SLC25A25: variants seen among roughly 807,000 people sequenced by gnomAD.
SLC25A25 encodes the protein mitochondrial adenyl nucleotide antiporter SLC25A25.
Under a neutral mutation model 57.7 loss-of-function variants are expected in SLC25A25, and 32 were observed. The ratio of observed to expected loss-of-function variants is 0.55; its 90% CI spans 0.42 to 0.74. The LOEUF is 0.74. Ranked by LOEUF, SLC25A25 falls within the 30% of genes least tolerant of loss-of-function variation. The pLI, the probability that SLC25A25 is intolerant of heterozygous loss-of-function variation, is 0.00. For synonymous variants in SLC25A25, 306 were observed against 291.2 expected, an observed-to-expected ratio of 1.05 and a Z score of -0.52; for missense variants, 556 against 701.3, an observed-to-expected ratio of 0.79 and a Z score of 2.34.
rs752419520 is a variant in SLC25A25 at position 128,107,251 on chromosome 9, A to G, written c.1364-9A>G. On this transcript the variant is annotated splice_polypyrimidine_tract_variant and intron_variant, in intron 10 of 10. Transcript: ENST00000373069. The stretch of plus-strand genomic sequence containing the variant: ...CAGAAGCATCTGACTGGTGGCCTCC[A>G]TCCTGCAGCCTCTATTGAGGGCGCT... 1 of 1,608,280 alleles carries G rather than the reference A, an allele frequency of 6.2e-7. No homozygotes were observed. The highest frequency in any genetic ancestry group is 8.5e-7 in the Non-Finnish European group (1 of 1,176,066).
intron 1 of SLC25A25, among the ~76,000 whole-genome samples, chr9:128,100,351 G>A (rs1468525754): frequency 6.6e-6 from 1 of 152,000 alleles, no homozygotes; most frequent in African/African-American, 2.4e-5. Flanking sequence ...GGGGCGGGGG[G>A]GGTTACTTTT....
chr9:128,102,224 G>A lies in SLC25A25; in HGVS notation c.512+109G>A. 1 of 1,443,524 alleles carries A rather than the reference G, an allele frequency of 6.9e-7. No homozygotes were observed. Among genetic ancestry groups the A allele is most frequent in the Non-Finnish European group, 9.5e-7 (1 of 1,048,980 alleles). 89.4% of individuals were successfully genotyped at this position (1,443,524 alleles called of 1,614,324 possible). On this transcript the variant is annotated intron_variant, in intron 4 of 10. Coordinates refer to ENST00000373069, the MANE Select transcript of SLC25A25 (RefSeq NM_001330988.2). The surrounding 1 kb of genome is among the most constrained non-coding windows in gnomAD (Gnocchi z 4.1). ...ATTGTTGTGCTAAGTGGGGTGTGGA[G>A]CCCCCTGCTCTTTCTCCTGGGGGCA...
At chr9:128,094,324 C>T (rs531949326) in intron 1 of SLC25A25, 2 of 152,268 alleles carry the variant, frequency 1.3e-5, no homozygotes, top group Non-Finnish European at 2.9e-5. Context: ...TACAGTTAAT[C>T]TTCAGTTGGA....
chr9:128,098,196 G>C (rs1212140872), intron 1 of SLC25A25: 1 of 177,120 alleles, frequency 5.6e-6, no homozygotes, highest in East Asian at 1.6e-4. Context: ...TCATCTGAAG[G>C]GGTTGGCAGC....
intron 1 of SLC25A25, among the ~76,000 whole-genome samples, chr9:128,070,478 T>C (rs2130779562): frequency 6.6e-6 from 1 of 150,934 alleles, no homozygotes; most frequent in African/African-American, 2.4e-5. Context: ...TGACCTCAGG[T>C]GATCCACCTG....
intron 1 of SLC25A25, among the ~76,000 whole-genome samples, chr9:128,080,349 CAAAAAA>C (rs775059465): frequency 9.2e-6 from 1 of 108,660 alleles, no homozygotes; most frequent in African/African-American, 4.0e-5. Flanking sequence ...GACTCCATCC[CAAAAAA>C]AAAAAAAAAA....
chr9:128,078,629 TC>T (rs1431365430), intron 1 of SLC25A25, among the ~76,000 whole-genome samples: 1 of 152,232 alleles, frequency 6.6e-6, no homozygotes, highest in African/African-American at 2.4e-5. Flanking sequence ...TGTTGCCCTC[TC>T]AGAAGCCGTG....
At chr9:128,073,731 T>C (rs533131618) in intron 1 of SLC25A25, among the ~76,000 whole-genome samples, 1 of 151,588 alleles carries the variant, frequency 6.6e-6, no homozygotes, top group East Asian at 1.9e-4. Context: ...TCAAGTCAAC[T>C]AGAATACTTT....
intron 1 of SLC25A25, among the ~76,000 whole-genome samples, chr9:128,087,539 G>A (rs971252902): frequency 2.6e-5 from 4 of 152,116 alleles, no homozygotes; most frequent in East Asian, 1.9e-4. Context: ...GCCAGAGTTC[G>A]TTTTTTCGAT....
chr9:128,098,421 T>C (rs1401083977), intron 1 of SLC25A25: 14 of 1,384,772 alleles, frequency 1.0e-5, no homozygotes, highest in Admixed American at 6.3e-5. Context: ...GCTTTTTTCT[T>C]TTTTCAATTA....
intron 9 of SLC25A25, 79 bp downstream of exon 9, chr9:128,106,599 T>G: frequency 6.7e-7 from 1 of 1,482,260 alleles, no homozygotes. Flanking sequence ...GACGGACGCG[T>G]GGTTAGTGCA....
intron 1 of SLC25A25, among the ~76,000 whole-genome samples, chr9:128,089,990 C>A (rs897386034): frequency 2.0e-5 from 3 of 152,060 alleles, no homozygotes; most frequent in Non-Finnish European, 4.4e-5. Context: ...CTGGGTCATA[C>A]ATGCTTATGG....
At chr9:128,105,985 T>C (rs1415887766) in intron 7 of SLC25A25, 104 bp downstream of exon 7, 2 of 1,553,436 alleles carry the variant, frequency 1.3e-6, no homozygotes, top group African/African-American at 2.7e-5. Context: ...GAGCCAGCCG[T>C]GGTACCCCAG....
Position 128,102,521 on chromosome 9 carries a change from G to T in SLC25A25, c.624+40G>T, listed in dbSNP as rs766598626. On this transcript the variant is annotated intron_variant, in intron 5 of 10. Transcript: ENST00000373069. This position sits in a 1 kb window ranked among gnomAD's most constrained non-coding sequence, Gnocchi z 4.1. ...CCCAGGGCCCTCATCTGCTCCCAGG[G>T]ACCCTTAGCCCAGAGTCACCCAGTC... The T allele has an allele frequency of 1.4e-5, 22 of 1,550,818 alleles. No homozygotes were observed. The East Asian group carries it at 4.1e-4, about 29-fold the overall frequency.
In SLC25A25 at chr9:128,099,962, G is replaced by A. The variant is rs1054703094; in HGVS notation, c.262-1134G>A. On this transcript the variant is annotated intron_variant, in intron 1 of 10. Coordinates refer to ENST00000373069, the MANE Select transcript of SLC25A25 (RefSeq NM_001330988.2). This position sits in a 1 kb window ranked among gnomAD's most constrained non-coding sequence, Gnocchi z 6.8. Reference sequence around the variant, plus strand: ...CCCAGTTTTGGGTTCCGGATTCAGGGCGTTGCTGAGTTGGGGTGACTCACT... The same window carrying A: ...CCCAGTTTTGGGTTCCGGATTCAGGACGTTGCTGAGTTGGGGTGACTCACT... Among the ~76,000 whole-genome samples, 6 of 152,120 alleles carry A rather than the reference G, an allele frequency of 3.9e-5. No homozygotes were observed. Among genetic ancestry groups the A allele is most frequent in the African/African-American group, 1.2e-4 (5 of 41,410 alleles).
At position 128,095,455 on chromosome 9, in the gene SLC25A25, C is replaced by T. The variant is rs1588772093; in HGVS notation, c.262-5641C>T. On this transcript the variant is annotated intron_variant, in intron 1 of 10. Coordinates refer to ENST00000373069, the MANE Select transcript of SLC25A25 (RefSeq NM_001330988.2). This position sits in a 1 kb window ranked among gnomAD's most constrained non-coding sequence, Gnocchi z 4.4. Reference sequence around the variant, plus strand: ...CCCACAGTCTGCAGTTCCAGGAATACAGCAGTTGTCCTGGACACTAGCACC... The same window carrying T: ...CCCACAGTCTGCAGTTCCAGGAATATAGCAGTTGTCCTGGACACTAGCACC... Among the ~76,000 whole-genome samples the T allele has an allele frequency of 6.6e-6, 1 of 152,194 alleles. No homozygotes were observed. The highest frequency in any genetic ancestry group is 1.9e-4 in the East Asian group (1 of 5,200).
At chr9:128,084,504 C>G (rs1292369742) in intron 1 of SLC25A25, among the ~76,000 whole-genome samples, 1 of 152,108 alleles carries the variant, frequency 6.6e-6, no homozygotes, top group Non-Finnish European at 1.5e-5. Flanking sequence ...AGATAATAAC[C>G]CTTTCAACCC....
intron 1 of SLC25A25, among the ~76,000 whole-genome samples, chr9:128,075,317 T>C (rs1315922250): frequency 1.3e-5 from 2 of 151,460 alleles, no homozygotes; most frequent in African/African-American, 4.9e-5. Flanking sequence ...AAAATAGATA[T>C]AAATAGAGAA....
At chr9:128,098,813 C>T (rs1299756781) in intron 1 of SLC25A25, 13 of 1,540,268 alleles carry the variant, frequency 8.4e-6, no homozygotes, top group South Asian at 1.2e-5. Context: ...CCATCCCCCA[C>T]TGAGAGGAAA....
Sources: allele counts gnomAD v4.1 joint callset (sites outside exome capture counted in the v4.1 genomes callset), GRCh38; gene constraint gnomAD v4.1.1; non-coding constraint Gnocchi (gnomAD v3.1); transcripts MANE v1.5; gene names NCBI Gene and HGNC (gene_info 2026-07-23, HGNC 2026-07-21).